Variants in C11orf65 observed in about 807,000 individuals in gnomAD.
The protein encoded by C11orf65 is protein MFI.
C11orf65 carries 38 observed loss-of-function variants against 35.3 expected under a neutral mutation model. The observed-to-expected ratio is 1.08, with a 90% CI of 0.83 to 1.41. The LOEUF (loss-of-function observed/expected upper bound fraction) is 1.41, where lower values mean the gene tolerates loss of function less well. C11orf65 is among the 40% of genes most tolerant of loss of function. C11orf65 has a pLI of 0.00. For synonymous variants in C11orf65, 105 were observed against 114.4 expected (o/e 0.92, Z 0.53); for missense variants, 370 against 367.1 (o/e 1.01, Z -0.06).
At chr11:108,423,077 T>C (rs1043855713) in intron 3 of C11orf65, among the ~76,000 whole-genome samples, 2 of 152,148 alleles carry the variant, frequency 1.3e-5, no homozygotes, top group Non-Finnish European at 2.9e-5. Flanking sequence ...TTTCGCACGA[T>C]CTTCCCAACC....
In C11orf65 at chr11:108,433,264, TATATATATAG is replaced by T. The variant is rs1304388244; in HGVS notation, c.82-1436_82-1427del. On this transcript the variant is annotated intron_variant, in intron 2 of 8. Transcript: ENST00000393084. The stretch of plus-strand genomic sequence containing the variant: ...ATTTATATATATATATCTCTCTCTA[TATATATATAG>T]ATATATATAGATATATATATATGCC... Among the ~76,000 whole-genome samples the T allele has an allele frequency of 3.1e-4, 43 of 140,566 alleles. 1 individual carries two copies. The highest frequency in any genetic ancestry group is 5.7e-4 in the Admixed American group (8 of 13,950). 92.2% of individuals were successfully genotyped at this position (140,566 alleles called of 152,430 possible).
chr11:108,452,318 C>T (rs1421434433), intron 2 of C11orf65, among the ~76,000 whole-genome samples: 1 of 152,000 alleles, frequency 6.6e-6, no homozygotes, highest in Non-Finnish European at 1.5e-5. Flanking sequence ...AGAAAAAAAT[C>T]AAACCACCCC....
chr11:108,431,205 G>A (rs1382282035), intron 3 of C11orf65, among the ~76,000 whole-genome samples: 1 of 151,872 alleles, frequency 6.6e-6, no homozygotes, highest in Non-Finnish European at 1.5e-5. Context: ...ACTTATCCAT[G>A]AGGAGACATG....
chr11:108,468,075 C>G (rs2093558440), upstream of C11orf65, among the ~76,000 whole-genome samples: 1 of 152,078 alleles, frequency 6.6e-6, no homozygotes, highest in Admixed American at 6.5e-5. Flanking sequence ...CCAGCGATCC[C>G]CCCCTACCCC....
chr11:108,343,454 A>C (rs1156979763), intron 2 of C11orf65: 2 of 1,532,490 alleles, frequency 1.3e-6, no homozygotes, highest in East Asian at 4.6e-5. Flanking sequence ...ATTATAGAAT[A>C]CAAAAAAACT....
At chr11:108,313,003 C>A (rs1591761394) in intron 6 of C11orf65, among the ~76,000 whole-genome samples, 1 of 152,182 alleles carries the variant, frequency 6.6e-6, no homozygotes, top group Non-Finnish European at 1.5e-5. Flanking sequence ...CTCTCATCTT[C>A]TCTTCTATGC....
intron 2 of C11orf65, among the ~76,000 whole-genome samples, chr11:108,350,465 T>A (rs1472187965): frequency 6.6e-6 from 1 of 152,200 alleles, no homozygotes; most frequent in African/African-American, 2.4e-5. Context: ...AGAAGCAGTT[T>A]TAGCAGACTC....
intron 2 of C11orf65, among the ~76,000 whole-genome samples, chr11:108,458,922 T>G (rs2093438253): frequency 6.6e-6 from 1 of 152,202 alleles, no homozygotes; most frequent in African/African-American, 2.4e-5. Flanking sequence ...AAAGTGAACC[T>G]TGGTTGTCCA....
intron 6 of C11orf65, among the ~76,000 whole-genome samples, chr11:108,313,192 T>A (rs1477104935): frequency 6.6e-6 from 1 of 152,240 alleles, no homozygotes; most frequent in Non-Finnish European, 1.5e-5. Flanking sequence ...GCTTTGTTTT[T>A]TTATCTGCTC....
Position 108,461,575 on chromosome 11 carries a change from GA to G in C11orf65, c.-9-8del. On this transcript the variant is annotated splice_region_variant and splice_polypyrimidine_tract_variant and intron_variant, in intron 1 of 8. Transcript: ENST00000393084. ...TCCAAGGCATTTGAAATTCCTAAAA[GA>G]AAATGAGCAAAAAGGGTACATTTAA... 2 of 1,508,490 alleles carry G rather than the reference GA, an allele frequency of 1.3e-6. No individual in the cohort carries two copies. The highest frequency in any genetic ancestry group is 1.2e-5 in the South Asian group (1 of 81,744). 93.4% of individuals were successfully genotyped at this position (1,508,490 alleles called of 1,614,324 possible). A position where few individuals can be genotyped will look rare whatever the true frequency, so the allele number is the denominator to read the frequency against.
chr11:108,312,015 T>C (rs1265414656), intron 6 of C11orf65, among the ~76,000 whole-genome samples: 1 of 152,202 alleles, frequency 6.6e-6, no homozygotes, highest in Non-Finnish European at 1.5e-5. Context: ...CTTAAATTTA[T>C]ATCTGTTAAG....
At chr11:108,439,284 C>T (rs190458076) in intron 2 of C11orf65, among the ~76,000 whole-genome samples, 73 of 152,204 alleles carry the variant, frequency 4.8e-4, no homozygotes, top group Middle Eastern at 6.8e-3. Context: ...CAATGAGATA[C>T]GACTTAACAT....
intron 3 of C11orf65, chr11:108,334,010 T>G (rs751864102): frequency 6.8e-7 from 1 of 1,480,088 alleles, no homozygotes; most frequent in Non-Finnish European, 9.4e-7. Flanking sequence ...AACTAAATTT[T>G]TTTTATTAGA....
chr11:108,333,530 G>A (rs906808254), intron 3 of C11orf65, among the ~76,000 whole-genome samples: 2 of 152,168 alleles, frequency 1.3e-5, no homozygotes, highest in Non-Finnish European at 2.9e-5. Context: ...CAAACAAAAA[G>A]TATTGACATG....
At chr11:108,334,187 C>G (rs2086584769) in intron 3 of C11orf65, among the ~76,000 whole-genome samples, 1 of 149,242 alleles carries the variant, frequency 6.7e-6, no homozygotes, top group Non-Finnish European at 1.5e-5. Context: ...TGTTCTACAC[C>G]TCCCATCTTT....
At chr11:108,313,620 C>T (rs536600689) in intron 6 of C11orf65, among the ~76,000 whole-genome samples, 14 of 152,252 alleles carry the variant, frequency 9.2e-5, no homozygotes, top group African/African-American at 3.4e-4. Context: ...CTTTTGCCTT[C>T]TTCATAGGCT....
At chr11:108,375,874 C>T (rs925226854) in intron 2 of C11orf65, among the ~76,000 whole-genome samples, 8 of 152,126 alleles carry the variant, frequency 5.3e-5, no homozygotes, top group African/African-American at 1.7e-4. Flanking sequence ...CAACAAAGAT[C>T]AAAAGAAACA....
At position 108,461,481 on chromosome 11, in the gene C11orf65, G is replaced by A. The variant is rs767795845; in HGVS notation, c.79C>T (p.Leu27Phe). Residue 27 changes from leucine to phenylalanine, a missense_variant and splice_region_variant, in exon 2 of 9, where the codon CTT (leucine) becomes TTT (phenylalanine). Coordinates refer to ENST00000393084, the MANE Select transcript of C11orf65 (RefSeq NM_152587.5). ...RVIQQAWKSF[L>F]NVAIFQHFKS... is the part of the protein sequence containing the mutation. ...ATAAAACTTCTAAATAAACTCACAA[G>A]GAAACTTTTCCAGGCCTGCTGAATG... is the stretch of plus-strand genomic sequence containing the variant. 6.2e-7 allele frequency: 1 copy of A among 1,600,442 alleles called. No individual in the cohort carries two copies. The highest frequency in any genetic ancestry group is 1.1e-5 in the South Asian group (1 of 88,362).
At chr11:108,321,082 G>C (rs1246343237) in intron 6 of C11orf65, among the ~76,000 whole-genome samples, 2 of 152,182 alleles carry the variant, frequency 1.3e-5, no homozygotes. Context: ...CAAGGTGGGA[G>C]AAACTCTGAG....
Sources: gnomAD v4.1 joint callset for allele counts (sites outside exome capture counted in the v4.1 genomes callset) on GRCh38, gnomAD v4.1.1 for gene constraint, MANE v1.5 for transcripts, NCBI Gene and HGNC (gene_info 2026-07-23, HGNC 2026-07-21) for gene names.